The following ZNF611 variants were observed in gnomAD, a reference collection of about 807,000 sequenced individuals.
ZNF611 encodes the protein zinc finger protein 611.
Under a neutral mutation model 8.9 loss-of-function variants are expected in ZNF611, and 6 were observed. The ratio of observed to expected loss-of-function variants is 0.68; its 90% CI spans 0.37 to 1.34. The LOEUF (loss-of-function observed/expected upper bound fraction) is 1.34, where lower values mean the gene tolerates loss of function less well. Among genes scored for constraint, ZNF611 ranks in the 40% most tolerant of loss-of-function variants. The pLI is 0.02. For synonymous variants in ZNF611, 262 were observed against 279.7 expected (o/e 0.94, Z 0.63); for missense variants, 874 against 841.3 (o/e 1.04, Z -0.48).
intron 3 of ZNF611, 124 bp from the exon 4 acceptor site, chr19:52,716,037 A>C: frequency 9.3e-7 from 1 of 1,074,252 alleles, no homozygotes; most frequent in Non-Finnish European, 1.3e-6. Flanking sequence ...ACTGCACCAG[A>C]GATCATGCAG....
intron 3 of ZNF611, among the ~76,000 whole-genome samples, chr19:52,717,284 T>C (rs1357938387): frequency 1.3e-5 from 2 of 152,212 alleles, no homozygotes; most frequent in Non-Finnish European, 2.9e-5. Flanking sequence ...TAAGATTTTC[T>C]GGTTTTACAG....
intron 5 of ZNF611, among the ~76,000 whole-genome samples, chr19:52,713,700 T>C (rs952907722): frequency 6.6e-6 from 1 of 152,054 alleles, no homozygotes; most frequent in Non-Finnish European, 1.5e-5. Context: ...GAGACGAGCC[T>C]GACCAACATG....
intron 1 of ZNF611, among the ~76,000 whole-genome samples, chr19:52,733,522 G>C (rs1345568196): frequency 7.2e-6 from 1 of 138,960 alleles, no homozygotes; most frequent in South Asian, 2.3e-4. Flanking sequence ...AGCTGGTCTC[G>C]AACTCCTGGA....
At chr19:52,727,354 G>A (rs1304675173) in intron 3 of ZNF611, among the ~76,000 whole-genome samples, 1 of 152,148 alleles carries the variant, frequency 6.6e-6, no homozygotes, top group African/African-American at 2.4e-5. Flanking sequence ...AGGTTGAAAA[G>A]AGAGAAAGAA....
intron 3 of ZNF611, chr19:52,723,598 T>G (rs571480594): frequency 1.3e-5 from 2 of 152,210 alleles, no homozygotes; most frequent in East Asian, 3.9e-4. Context: ...TGAGTATTTC[T>G]CATCAGGTGA....
chr19:52,714,968 A>G (rs1175648073), intron 4 of ZNF611, among the ~76,000 whole-genome samples: 1 of 151,940 alleles, frequency 6.6e-6, no homozygotes, highest in East Asian at 2.0e-4. Context: ...ACTGCACTTT[A>G]GCCTGGCAAC....
At chr19:52,707,014 TTAGTAAA>T in intron 5 of ZNF611, 150 bp from the exon 6 acceptor site, 1 of 1,325,458 alleles carries the variant, frequency 7.5e-7, no homozygotes, top group Non-Finnish European at 1.0e-6. Flanking sequence ...GCAATATTCT[TTAGTAAA>T]TAAAGGGTGA....
In ZNF611 at chr19:52,716,791, T is replaced by A. The variant is rs577765960; in HGVS notation, c.-19-878A>T. On this transcript the variant is annotated intron_variant, in intron 3 of 5. Coordinates refer to ENST00000652185, the MANE Select transcript of ZNF611 (RefSeq NM_001161499.2). Reference sequence around the variant, plus strand: ...CAAAAGAAGGACCCAGCACAGTGGCTCAGGACTGTAATCCCAGCACTGTGG... The same window carrying A: ...CAAAAGAAGGACCCAGCACAGTGGCACAGGACTGTAATCCCAGCACTGTGG... Among the ~76,000 whole-genome samples, 3 of 152,236 alleles carry A rather than the reference T, an allele frequency of 2.0e-5. No homozygotes were observed. In the South Asian group the frequency reaches 6.2e-4, roughly 32 times the overall value.
At chr19:52,730,583 A>G (rs541891555) in intron 1 of ZNF611, among the ~76,000 whole-genome samples, 1 of 151,680 alleles carries the variant, frequency 6.6e-6, no homozygotes, top group East Asian at 1.9e-4. Flanking sequence ...TTTATTATTT[A>G]TTTATTTGTT....
At position 52,704,972 on chromosome 19, in the gene ZNF611, G is replaced by A. The variant is rs369736677; in HGVS notation, c.2083C>T (p.Arg695Cys). The change falls in exon 6 of 6, where the codon CGT (arginine) becomes TGT (cysteine). Residue 695 changes from arginine to cysteine, a missense_variant. Transcript: ENST00000652185. ...KAFNQQSHLS[R>C]HHRIHTGEKP ...TCTCCAGTATGAATTCTATGATGAC[G>A]TGAAAGGTGTGATTGTTGATTAAAA... is the stretch of plus-strand genomic sequence containing the variant. The A allele has an allele frequency of 1.2e-4, 186 of 1,613,896 alleles. No homozygotes were observed. The highest frequency in any genetic ancestry group is 1.6e-4 in the Middle Eastern group (1 of 6,084).
chr19:52,704,699 C>G lies in ZNF611; in HGVS notation c.*238G>C, dbSNP rs2147413251. ...CAATCATTACATTAGTCAAGTTTCC[C>G]TACACCATGAATTGCCTGATGGTGA... On this transcript the variant is annotated 3_prime_UTR_variant, in exon 6 of 6. Coordinates refer to ENST00000652185, the MANE Select transcript of ZNF611 (RefSeq NM_001161499.2). 2 of 1,598,676 alleles carry G rather than the reference C, an allele frequency of 1.3e-6. No homozygotes were observed. The highest frequency in any genetic ancestry group is 4.5e-5 in the East Asian group (2 of 44,814).
intron 3 of ZNF611, among the ~76,000 whole-genome samples, chr19:52,721,759 G>C (rs1188757840): frequency 2.6e-5 from 4 of 151,904 alleles, no homozygotes; most frequent in Non-Finnish European, 4.4e-5. Flanking sequence ...GAGAGGGAGA[G>C]GGAGAGCTTT....
Position 52,704,613 on chromosome 19 carries a change from C to G in ZNF611, c.*324G>C, listed in dbSNP as rs577230852. 219 of 1,581,626 alleles carry G rather than the reference C, an allele frequency of 1.4e-4. 3 individuals carry two copies. The South Asian group carries it at 2.0e-3, about 15-fold the overall frequency. Reference sequence around the variant, plus strand: ...CACATTTATTACACTTGTAAGATCTCTCTTCATTATGGATTCTCCAATGAT... The same window carrying G: ...CACATTTATTACACTTGTAAGATCTGTCTTCATTATGGATTCTCCAATGAT... On this transcript the variant is annotated 3_prime_UTR_variant, in exon 6 of 6. Coordinates refer to ENST00000652185, the MANE Select transcript of ZNF611 (RefSeq NM_001161499.2).
intron 5 of ZNF611, among the ~76,000 whole-genome samples, chr19:52,710,598 C>T (rs1241378849): frequency 6.6e-6 from 1 of 152,146 alleles, no homozygotes; most frequent in Non-Finnish European, 1.5e-5. Flanking sequence ...CTCCTGACCT[C>T]AAGCCATCTA....
Position 52,704,308 on chromosome 19 carries a change from T to G in ZNF611, c.*629A>C. On this transcript the variant is annotated 3_prime_UTR_variant, in exon 6 of 6. Transcript: ENST00000652185. ...AAAATGAATTTTCTGATGTTCTGCA[T>G]GGAGTGATCTTGGACTGAAGACCTT... The G allele has an allele frequency of 1.7e-6, 1 of 573,792 alleles. No individual in the cohort carries two copies. Among genetic ancestry groups the G allele is most frequent in the Non-Finnish European group, 3.5e-6 (1 of 289,826 alleles). The allele number at this position is 573,792 out of a possible 1,614,324, so 35.5% of individuals were successfully genotyped here. A position where few individuals can be genotyped will look rare whatever the true frequency, so the allele number is the denominator to read the frequency against.
Position 52,704,118 on chromosome 19 carries a change from G to C in ZNF611, c.*819C>G. 3.3e-6 allele frequency: 1 copy of C among 303,452 alleles called. No individual in the cohort carries two copies. Among genetic ancestry groups the C allele is most frequent in the Non-Finnish European group, 6.5e-6 (1 of 153,290 alleles). The allele number at this position is 303,452 out of a possible 1,614,324, so 18.8% of individuals were successfully genotyped here. A position where few individuals can be genotyped will look rare whatever the true frequency, so the allele number is the denominator to read the frequency against. ...CGACGTGCTGGGATTACAGGTCGGA[G>C]CCACCACACCTGGCCCCATCCTCTT... On this transcript the variant is annotated 3_prime_UTR_variant, in exon 6 of 6. Transcript: ENST00000652185.
chr19:52,708,933 A>C (rs895545154), intron 5 of ZNF611: 3 of 152,270 alleles, frequency 2.0e-5, no homozygotes, highest in African/African-American at 7.2e-5. Flanking sequence ...CAGGCAATAC[A>C]GCAATTTTAT....
chr19:52,730,906 G>C (rs896304399), intron 1 of ZNF611, among the ~76,000 whole-genome samples: 1 of 152,034 alleles, frequency 6.6e-6, no homozygotes, highest in African/African-American at 2.4e-5. Context: ...TTTATAAAGA[G>C]AGACATTAAA....
At chr19:52,716,065 A>C in intron 3 of ZNF611, 152 bp from the exon 4 acceptor site, 2 of 840,808 alleles carry the variant, frequency 2.4e-6, no homozygotes, top group South Asian at 1.7e-5. Context: ...GAAGTCCCAC[A>C]GGAAGACCTA....
Sources: gnomAD v4.1 joint callset for allele counts (sites outside exome capture counted in the v4.1 genomes callset) on GRCh38, gnomAD v4.1.1 for gene constraint, MANE v1.5 for transcripts, NCBI Gene and HGNC (gene_info 2026-07-23, HGNC 2026-07-21) for gene names.